Variants in CDSN observed in about 807,000 individuals in gnomAD.
The protein encoded by CDSN is S protein.
Under a neutral mutation model 25.6 loss-of-function variants are expected in CDSN, and 11 were observed. That is an observed-to-expected ratio of 0.43 (90% CI 0.27 to 0.71). The LOEUF (loss-of-function observed/expected upper bound fraction) is 0.71, where lower values mean the gene tolerates loss of function less well. CDSN is among the 30% of genes least tolerant of loss of function. The pLI is 0.20. For missense variants in CDSN, 598 were observed against 670.9 expected (o/e 0.89, Z 1.20); for synonymous variants, 266 against 267.4 (o/e 0.99, Z 0.05).
chr6:31,116,572 C>T lies in CDSN; in HGVS notation c.1043G>A (p.Gly348Asp), dbSNP rs1360970898. ...GATGGGGTTGCTGGAGAAGTATTTGCCCTCAGAGATGGGGGGCCCAGCTGC... is the reference window on the plus strand; with the variant it reads ...GATGGGGTTGCTGGAGAAGTATTTGTCCTCAGAGATGGGGGGCCCAGCTGC... ...SFAAGPPISEGKYFSSNPIIP... is the reference protein window; with the variant it reads ...SFAAGPPISEDKYFSSNPIIP... Residue 348 changes from glycine to aspartate, a missense_variant, in exon 2 of 2, where the codon GGC becomes GAC. By Grantham distance (94) the Gly-to-Asp change is moderately conservative. Transcript: ENST00000376288. 6.2e-7 allele frequency: 1 copy of T among 1,613,788 alleles called. No homozygotes were observed. Among genetic ancestry groups the T allele is most frequent in the Non-Finnish European group, 8.5e-7 (1 of 1,179,968 alleles).
chr6:31,119,907 C>CA (rs34300678), intron 1 of CDSN, among the ~76,000 whole-genome samples: 3 of 150,798 alleles, frequency 2.0e-5, no homozygotes, highest in Admixed American at 6.6e-5. Context: ...CTCCATCTCA[C>CA]AAAAAAAAAT....
Position 31,116,582 on chromosome 6 carries a change from T to TG in CDSN, c.1032dup (p.Ile345HisfsTer3), listed in dbSNP as rs1016125289. On this transcript the variant is annotated frameshift_variant, in exon 2 of 2. Coordinates refer to ENST00000376288, the MANE Select transcript of CDSN (RefSeq NM_001264.5). LOFTEE classifies it high-confidence loss of function. Reference sequence around the variant, plus strand: ...CTGGAGAAGTATTTGCCCTCAGAGATGGGGGGCCCAGCTGCAAAGGAAGGG... The same window carrying TG: ...CTGGAGAAGTATTTGCCCTCAGAGATGGGGGGGCCCAGCTGCAAAGGAAGGG... The TG allele has an allele frequency of 1.2e-6, 2 of 1,613,568 alleles. No homozygotes were observed. The highest frequency in any genetic ancestry group is 1.3e-5 in the African/African-American group (1 of 74,858).
At chr6:31,118,580 T>G (rs1324888355) in intron 1 of CDSN, 3 of 152,524 alleles carry the variant, frequency 2.0e-5, no homozygotes, top group Non-Finnish European at 4.4e-5. Flanking sequence ...CATCTTTCCT[T>G]ATCTTTCCTT....
Position 31,116,852 on chromosome 6 carries a change from C to A in CDSN, c.763G>T (p.Val255Leu), listed in dbSNP as rs1164716251. ...CCAGAACCGTGCTGGTCCACCACCACCACCACAGGCCTCTGACCCCCTGAC... is the reference window on the plus strand; with the variant it reads ...CCAGAACCGTGCTGGTCCACCACCAACACCACAGGCCTCTGACCCCCTGAC... ...SVSGGQRPVVVVVDQHGSGAP... is the reference protein window; with the variant it reads ...SVSGGQRPVVLVVDQHGSGAP... The change falls in exon 2 of 2, where the codon GTG becomes TTG. Residue 255 changes from valine (V) to leucine (L), a missense_variant. Val to Leu is a conservative substitution (Grantham distance 32, BLOSUM62 1). Coordinates refer to ENST00000376288, the MANE Select transcript of CDSN (RefSeq NM_001264.5). 6.2e-7 allele frequency: 1 copy of A among 1,614,112 alleles called. No homozygotes were observed. The highest frequency in any genetic ancestry group is 8.5e-7 in the Non-Finnish European group (1 of 1,179,968).
rs1200459243 is a variant in CDSN, at chr6:31,116,469, G to A, written c.1146C>T (p.Gly382=). ...VGTGGVQLCG[G]GSTGSKGPCS... Reference sequence around the variant, plus strand: ...AGGGTCCCTTGGAGCCCGTGGAGCCGCCTCCACAGAGCTGGACCCCACCAG... The same window carrying A: ...AGGGTCCCTTGGAGCCCGTGGAGCCACCTCCACAGAGCTGGACCCCACCAG... The change falls in exon 2 of 2, where the codon GGC becomes GGT. Residue 382 remains glycine (G), a synonymous_variant. Transcript: ENST00000376288. 1.9e-6 allele frequency: 3 copies of A among 1,599,528 alleles called. No individual in the cohort carries two copies. The highest frequency in any genetic ancestry group is 8.5e-7 in the Non-Finnish European group (1 of 1,172,792).
intron 1 of CDSN, among the ~76,000 whole-genome samples, chr6:31,120,096 C>T (rs1168793188): frequency 2.6e-5 from 4 of 152,094 alleles, no homozygotes; most frequent in Non-Finnish European, 5.9e-5. Context: ...GTACATATCA[C>T]ATACATTATT....
chr6:31,116,078 G>A lies in CDSN; in HGVS notation c.1537C>T (p.Leu513=), dbSNP rs1290573050. ...LAQVKPLGPQ[L]ADPEVFLPQG... is the part of the protein sequence containing the mutation. ...GGTAGGAAAACTTCAGGGTCAGCTA[G>A]CTGGGGCCCCAGAGGCTTCACTTGG... is the stretch of plus-strand genomic sequence containing the variant. Residue 513 remains leucine (L), a synonymous_variant, in exon 2 of 2, where the codon CTA becomes TTA. Coordinates refer to ENST00000376288, the MANE Select transcript of CDSN (RefSeq NM_001264.5). The A allele has an allele frequency of 6.2e-7, 1 of 1,612,028 alleles. No homozygotes were observed. The highest frequency in any genetic ancestry group is 8.5e-7 in the Non-Finnish European group (1 of 1,179,736).
intron 1 of CDSN, chr6:31,118,196 G>C (rs912492264): frequency 5.2e-5 from 8 of 152,692 alleles, no homozygotes; most frequent in African/African-American, 1.9e-4. Context: ...GCTGGGGGCA[G>C]AGGGGCTGAA....
chr6:31,117,838 C>T, intron 1 of CDSN: 1 of 388,260 alleles, frequency 2.6e-6, no homozygotes, highest in Non-Finnish European at 4.8e-6. Context: ...GTGGCTCACG[C>T]CGGTAATCCC....
In CDSN at chr6:31,120,402, T is replaced by C. The variant is rs1443273539; in HGVS notation, c.18A>G (p.Ala6=). 1 of 1,590,086 alleles carries C rather than the reference T, an allele frequency of 6.3e-7. No individual in the cohort carries two copies. Among genetic ancestry groups the C allele is most frequent in the South Asian group, 1.1e-5 (1 of 87,006 alleles). ...GCCCACCCACACGCCCCATCCAGGG[T>C]GCCCGAGACGAGCCCATCTCGGACT... The part of the protein sequence containing the change: MGSSR[A]PWMGRVGGHG... Residue 6 remains alanine, a synonymous_variant, in exon 1 of 2, where the codon GCA becomes GCG. Coordinates refer to ENST00000376288, the MANE Select transcript of CDSN (RefSeq NM_001264.5).
At position 31,116,412 on chromosome 6, in the gene CDSN, A is replaced by C. The variant is rs753983435; in HGVS notation, c.1203T>G (p.Ser401Arg). The C allele has an allele frequency of 1.2e-5, 19 of 1,593,534 alleles. No individual in the cohort carries two copies. The East Asian group carries it at 4.1e-4, about 34-fold the overall frequency. Reference sequence around the variant, plus strand: ...AACCGGAGCTGCTGGAAATGCTAGAACTGCTGGGGACTCGAGAACTGGAGG... The same window carrying C: ...AACCGGAGCTGCTGGAAATGCTAGACCTGCTGGGGACTCGAGAACTGGAGG... Reference protein sequence around the residue: ...CSPSSSRVPSSSSISSSSGLP... With the variant: ...CSPSSSRVPSRSSISSSSGLP... The change falls in exon 2 of 2, where the codon AGT (serine) becomes AGG (arginine). Residue 401 changes from serine to arginine, a missense_variant. Physicochemically the swap from Ser to Arg is moderately radical, Grantham distance 110. Coordinates refer to ENST00000376288, the MANE Select transcript of CDSN (RefSeq NM_001264.5).
At position 31,117,242 on chromosome 6, in the gene CDSN, G is replaced by T; in HGVS notation, c.373C>A (p.Leu125Ile). The T allele has an allele frequency of 6.2e-7, 1 of 1,612,336 alleles. No homozygotes were observed. Among genetic ancestry groups the T allele is most frequent in the Non-Finnish European group, 8.5e-7 (1 of 1,179,034 alleles). Residue 125 changes from leucine to isoleucine, a missense_variant, in exon 2 of 2, where the codon CTA (leucine) becomes ATA (isoleucine). Leu to Ile is a conservative substitution (Grantham distance 5, BLOSUM62 2). Transcript: ENST00000376288. ...VSYSSGSGSS[L>I]QGASGSSQLG... Reference sequence around the variant, plus strand: ...TGGGAGGAACCGGATGCACCTTGTAGACTAGAGCCAGATCCGGAGGAGTAG... The same window carrying T: ...TGGGAGGAACCGGATGCACCTTGTATACTAGAGCCAGATCCGGAGGAGTAG...
Position 31,115,111 on chromosome 6 carries a change from T to G in CDSN, c.*914A>C. ...CTGCTTTCAGTTCAACAAATATTTATTGTCTTCCTCCTCTGTGGGAGCAGC... is the reference window on the plus strand; with the variant it reads ...CTGCTTTCAGTTCAACAAATATTTAGTGTCTTCCTCCTCTGTGGGAGCAGC... On this transcript the variant is annotated 3_prime_UTR_variant, in exon 2 of 2. Coordinates refer to ENST00000376288, the MANE Select transcript of CDSN (RefSeq NM_001264.5). This position sits in a 1 kb window ranked among gnomAD's most constrained non-coding sequence, Gnocchi z 4.2. 1 of 353,778 alleles carries G rather than the reference T, an allele frequency of 2.8e-6. No homozygotes were observed. The allele number at this position is 353,778 out of a possible 1,614,324, so 21.9% of individuals were successfully genotyped here.
rs9263641 is a variant in CDSN, at chr6:31,115,245, C to G, written c.*780G>C. ...CCAGACTCTCAGAGGAGACCCAGGA[C>G]TCCAAGAAGGCAAAAAGTCTGCACC... On this transcript the variant is annotated 3_prime_UTR_variant, in exon 2 of 2. Transcript: ENST00000376288. This position sits in a 1 kb window ranked among gnomAD's most constrained non-coding sequence, Gnocchi z 4.2. The G allele has an allele frequency of 3.3e-5, 8 of 241,042 alleles. No homozygotes were observed. Among genetic ancestry groups the G allele is most frequent in the Non-Finnish European group, 2.5e-5 (3 of 122,380 alleles). 14.9% of individuals were successfully genotyped at this position (241,042 alleles called of 1,614,324 possible).
In CDSN at chr6:31,115,866, A is replaced by C; in HGVS notation, c.*159T>G. The C allele has an allele frequency of 1.6e-6, 1 of 633,430 alleles. No homozygotes were observed. Among genetic ancestry groups the C allele is most frequent in the Non-Finnish European group, 2.8e-6 (1 of 352,812 alleles). The allele number at this position is 633,430 out of a possible 1,614,324, so 39.2% of individuals were successfully genotyped here. On this transcript the variant is annotated 3_prime_UTR_variant, in exon 2 of 2. Coordinates refer to ENST00000376288, the MANE Select transcript of CDSN (RefSeq NM_001264.5). This position sits in a 1 kb window ranked among gnomAD's most constrained non-coding sequence, Gnocchi z 4.2. ...GAAGGAGGAAGGGGTGATAAGAGAG[A>C]GTCTGCAACCTTGGGGTAGTGGAGA...
At position 31,115,951 on chromosome 6, in the gene CDSN, G is replaced by A. The variant is rs1772084138; in HGVS notation, c.*74C>T. The A allele has an allele frequency of 2.2e-6, 3 of 1,355,574 alleles. No individual in the cohort carries two copies. Among genetic ancestry groups the A allele is most frequent in the Non-Finnish European group, 3.2e-6 (3 of 950,876 alleles). The allele number at this position is 1,355,574 out of a possible 1,614,324, so 84.0% of individuals were successfully genotyped here. A position where few individuals can be genotyped will look rare whatever the true frequency, so the allele number is the denominator to read the frequency against. ...GAGCTAACCCTATGCCTGGGCACTG[G>A]ACTTCTCCCATATGGGATATAGTGT... On this transcript the variant is annotated 3_prime_UTR_variant, in exon 2 of 2. Transcript: ENST00000376288. The surrounding 1 kb of genome is among the most constrained non-coding windows in gnomAD (Gnocchi z 4.2).
rs761422763 is a variant in CDSN at position 31,116,050 on chromosome 6, T to G, written c.1565A>C (p.Gln522Pro). 6.2e-7 allele frequency: 1 copy of G among 1,611,842 alleles called. No individual in the cohort carries two copies. Among genetic ancestry groups the G allele is most frequent in the Non-Finnish European group, 8.5e-7 (1 of 1,179,782 alleles). The change falls in exon 2 of 2, where the codon CAA becomes CCA. Residue 522 changes from glutamine (Q) to proline (P), a missense_variant. By Grantham distance (76) the Gln-to-Pro change is moderately conservative. Transcript: ENST00000376288. Reference protein sequence around the residue: ...QLADPEVFLPQGELLNSP With the variant: ...QLADPEVFLPPGELLNSP The stretch of plus-strand genomic sequence containing the variant: ...TTATGGACTGTTGAGTAACTCTCCT[T>G]GGGGTAGGAAAACTTCAGGGTCAGC...
rs1189725250 is a variant in CDSN, at chr6:31,117,546, T to C, written c.86-17A>G. On this transcript the variant is annotated splice_polypyrimidine_tract_variant and intron_variant, in intron 1 of 1. Transcript: ENST00000376288. ...CCAAGGTCCCTGTGGAGGAAAGCAGTGGTTAGTAAGGGCCAAGGAGGCTTG... is the reference window on the plus strand; with the variant it reads ...CCAAGGTCCCTGTGGAGGAAAGCAGCGGTTAGTAAGGGCCAAGGAGGCTTG... 20 of 1,548,688 alleles carry C rather than the reference T, an allele frequency of 1.3e-5. No individual in the cohort carries two copies. The Admixed American group carries it at 3.7e-4, about 29-fold the overall frequency.
At position 31,117,771 on chromosome 6, in the gene CDSN, G is replaced by C. The variant is rs1446695184; in HGVS notation, c.86-242C>G. 6 of 544,830 alleles carry C rather than the reference G, an allele frequency of 1.1e-5. No homozygotes were observed. The Admixed American group carries it at 1.2e-4, about 11-fold the overall frequency. The allele number at this position is 544,830 out of a possible 1,614,324, so 33.7% of individuals were successfully genotyped here. A position where few individuals can be genotyped will look rare whatever the true frequency, so the allele number is the denominator to read the frequency against. On this transcript the variant is annotated intron_variant, in intron 1 of 1. Coordinates refer to ENST00000376288, the MANE Select transcript of CDSN (RefSeq NM_001264.5). ...ACCAACCAGAAAAATAGAAAATTAG[G>C]TGCCAAAGTGAGTGGCCTCAAAGGA...
Sources: allele counts gnomAD v4.1 joint callset (sites outside exome capture counted in the v4.1 genomes callset), GRCh38; gene constraint gnomAD v4.1.1; non-coding constraint Gnocchi (gnomAD v3.1); transcripts MANE v1.5; gene names NCBI Gene and HGNC (gene_info 2026-07-23, HGNC 2026-07-21).